DNAH1: variants seen among roughly 807,000 people sequenced by gnomAD.
DNAH1 encodes the protein axonemal beta dynein heavy chain 1.
Under a neutral mutation model 484.3 loss-of-function variants are expected in DNAH1, and 327 were observed. That is an observed-to-expected ratio of 0.68 (90% CI 0.62 to 0.74). DNAH1 has a LOEUF of 0.74. DNAH1 is among the 30% of genes least tolerant of loss of function. The pLI is 0.00. For synonymous variants in DNAH1, 2,192 were observed against 2,191.9 expected (o/e 1.00, Z 0.00); for missense variants, 5,052 against 5,546.8 (o/e 0.91, Z 2.83).
At position 52,398,908 on chromosome 3, in the gene DNAH1, A is replaced by C. The variant is rs1253204848; in HGVS notation, c.12148A>C (p.Lys4050Gln). 5.0e-6 allele frequency: 8 copies of C among 1,607,022 alleles called. No individual in the cohort carries two copies. The highest frequency in any genetic ancestry group is 6.8e-6 in the Non-Finnish European group (8 of 1,175,720). ...ACTGCAAGACCTACTCAAGGCACTC[A>C]AGGGGCTGGTAGTGATGTCCTCTCA... is the stretch of plus-strand genomic sequence containing the variant. ...QTLQDLLKAL[K>Q]GLVVMSSQLE... Residue 4050 changes from lysine (K) to glutamine (Q), a missense_variant, in exon 76 of 78, where the codon AAG (lysine) becomes CAG (glutamine). This residue lies in a region of DNAH1 where 853 missense variants were observed against 899.0 expected (regional missense o/e 0.95). Coordinates refer to ENST00000420323, the MANE Select transcript of DNAH1 (RefSeq NM_015512.5).
chr3:52,399,403 A>C, intron 76 of DNAH1, 142 bp from the exon 77 acceptor site: 2 of 932,366 alleles, frequency 2.1e-6, no homozygotes, highest in South Asian at 1.6e-5. Context: ...CACAGACCAC[A>C]GGCCATGGGC....
At chr3:52,334,961 G>A (rs1296206330) in intron 8 of DNAH1, among the ~76,000 whole-genome samples, 4 of 151,572 alleles carry the variant, frequency 2.6e-5, no homozygotes, top group South Asian at 2.1e-4. Context: ...CACCATGCCC[G>A]GCTAATTTTT....
At chr3:52,325,911 G>A (rs949737927) in intron 3 of DNAH1, among the ~76,000 whole-genome samples, 3 of 152,172 alleles carry the variant, frequency 2.0e-5, no homozygotes, top group Non-Finnish European at 4.4e-5. Flanking sequence ...GACAGGGAGA[G>A]CAGGGCTAGG....
Position 52,370,791 on chromosome 3 carries a change from A to G in DNAH1, c.6491A>G (p.Asn2164Ser), listed in dbSNP as rs1372378782. ...RLEDAGISGT[N>S]DSEDEEEEYK... ...GAGGACGCGGGCATCAGTGGCACCAACGACAGTGAGGATGAAGAGGAGGAA... is the reference window on the plus strand; with the variant it reads ...GAGGACGCGGGCATCAGTGGCACCAGCGACAGTGAGGATGAAGAGGAGGAA... The change falls in exon 41 of 78, where the codon AAC becomes AGC. Residue 2164 changes from asparagine to serine, a missense_variant. Asn to Ser is a conservative substitution (Grantham distance 46). Around this residue, in one of 4 missense-constraint regions of DNAH1, gnomAD observed 2,929 missense variants for 3,409.4 expected, o/e 0.86. Coordinates refer to ENST00000420323, the MANE Select transcript of DNAH1 (RefSeq NM_015512.5). 2 of 1,606,530 alleles carry G rather than the reference A, an allele frequency of 1.2e-6. No individual in the cohort carries two copies. Among genetic ancestry groups the G allele is most frequent in the South Asian group, 1.1e-5 (1 of 89,304 alleles).
Position 52,353,506 on chromosome 3 carries a change from T to A in DNAH1, c.3353T>A (p.Ile1118Asn). 6.2e-7 allele frequency: 1 copy of A among 1,613,948 alleles called. No individual in the cohort carries two copies. The highest frequency in any genetic ancestry group is 8.5e-7 in the Non-Finnish European group (1 of 1,179,904). Reference sequence around the variant, plus strand: ...CACTGGGAGACACTGTCCAACCAGATCAACATCAATGTCAGGCCCAAGGCC... The same window carrying A: ...CACTGGGAGACACTGTCCAACCAGAACAACATCAATGTCAGGCCCAAGGCC... Reference protein sequence around the residue: ...IRHWETLSNQININVRPKANL... With the variant: ...IRHWETLSNQNNINVRPKANL... Residue 1118 changes from isoleucine to asparagine, a missense_variant, in exon 20 of 78, where the codon ATC (isoleucine) becomes AAC (asparagine). Coordinates refer to ENST00000420323, the MANE Select transcript of DNAH1 (RefSeq NM_015512.5). This position sits in a 1 kb window ranked among gnomAD's most constrained non-coding sequence, Gnocchi z 5.0.
Position 52,353,245 on chromosome 3 carries a change from T to C in DNAH1, c.3170T>C (p.Val1057Ala). The change falls in exon 19 of 78, where the codon GTG becomes GCG. Residue 1057 changes from valine to alanine, a missense_variant. Val to Ala is a moderately conservative substitution (Grantham distance 64). Around this residue, in one of 4 missense-constraint regions of DNAH1, gnomAD observed 2,929 missense variants for 3,409.4 expected, o/e 0.86. Transcript: ENST00000420323. The surrounding 1 kb of genome is among the most constrained non-coding windows in gnomAD (Gnocchi z 5.0). ...GATGCTGAGCAGCTGGAGAAGAACG[T>C]GGTTGAAGCCTTCAAGACCATGCAC... ...AIDAEQLEKNVVEAFKTMHKC... is the reference protein window; with the variant it reads ...AIDAEQLEKNAVEAFKTMHKC... 6.2e-7 allele frequency: 1 copy of C among 1,613,976 alleles called. No individual in the cohort carries two copies. The highest frequency in any genetic ancestry group is 8.5e-7 in the Non-Finnish European group (1 of 1,179,884).
Position 52,361,510 on chromosome 3 carries a change from G to A in DNAH1, c.4875-151G>A. The A allele has an allele frequency of 8.3e-7, 1 of 1,198,162 alleles. No individual in the cohort carries two copies. The highest frequency in any genetic ancestry group is 1.5e-5 in the African/African-American group (1 of 65,852). 74.2% of individuals were successfully genotyped at this position (1,198,162 alleles called of 1,614,324 possible). A position where few individuals can be genotyped will look rare whatever the true frequency, so the allele number is the denominator to read the frequency against. On this transcript the variant is annotated intron_variant, in intron 29 of 77. Coordinates refer to ENST00000420323, the MANE Select transcript of DNAH1 (RefSeq NM_015512.5). This position sits in a 1 kb window ranked among gnomAD's most constrained non-coding sequence, Gnocchi z 5.6. Reference sequence around the variant, plus strand: ...CACGGCTTGGTCCTGGGGGCATTGGGGTGGGGAGTGGCAGTGGGTTGAAGA... The same window carrying A: ...CACGGCTTGGTCCTGGGGGCATTGGAGTGGGGAGTGGCAGTGGGTTGAAGA...
chr3:52,382,200 C>A, intron 49 of DNAH1, 120 bp from the exon 50 acceptor site: 1 of 1,519,556 alleles, frequency 6.6e-7, no homozygotes, highest in Non-Finnish European at 9.0e-7. Flanking sequence ...GAAGGGTCTG[C>A]AGGTCTGCCC....
chr3:52,364,672 C>T lies in DNAH1; in HGVS notation c.5279C>T (p.Thr1760Ile). 1 of 1,614,010 alleles carries T rather than the reference C, an allele frequency of 6.2e-7. No individual in the cohort carries two copies. ...GACTTCGGGATGAGAGCCGTGAAAA[C>T]TGTGATCTCGGCTGCTGGGAACCTC... Reference protein sequence around the residue: ...HYDFGMRAVKTVISAAGNLKR... With the variant: ...HYDFGMRAVKIVISAAGNLKR... The change falls in exon 33 of 78, where the codon ACT (threonine) becomes ATT (isoleucine). Residue 1760 changes from threonine (T) to isoleucine (I), a missense_variant. This residue lies in a region of DNAH1 where 2,929 missense variants were observed against 3,409.4 expected (regional missense o/e 0.86). Transcript: ENST00000420323. This position sits in a 1 kb window ranked among gnomAD's most constrained non-coding sequence, Gnocchi z 4.2.
At chr3:52,363,176 C>G (rs780390094) in intron 32 of DNAH1, 32 bp downstream of exon 32, 8 of 1,605,980 alleles carry the variant, frequency 5.0e-6, no homozygotes, top group Non-Finnish European at 6.8e-6. Flanking sequence ...TTTCCAGGGT[C>G]TGAAAACTTC....
chr3:52,321,410 C>T (rs1221161402), intron 1 of DNAH1, among the ~76,000 whole-genome samples: 2 of 152,212 alleles, frequency 1.3e-5, no homozygotes, highest in African/African-American at 2.4e-5. Context: ...GCCACCGCCC[C>T]GGCCTCTTTT....
At chr3:52,384,744 G>T in intron 52 of DNAH1, 42 bp from the exon 53 acceptor site, 1 of 1,521,406 alleles carries the variant, frequency 6.6e-7, no homozygotes, top group Non-Finnish European at 8.8e-7. Context: ...TGTCTTTCCT[G>T]GGGCCTCTAC....
chr3:52,352,155 G>A (rs1024261855), intron 17 of DNAH1, 52 bp downstream of exon 17: 53 of 1,544,950 alleles, frequency 3.4e-5, no homozygotes, highest in Middle Eastern at 4.5e-4. Flanking sequence ...CCACACGCAC[G>A]CACAGTTCTC....
intron 44 of DNAH1, chr3:52,374,861 A>T (rs1217025326): frequency 1.5e-5 from 16 of 1,099,362 alleles, no homozygotes; most frequent in Non-Finnish European, 2.2e-5. Context: ...TTAAAATAGA[A>T]AATCTAGCCA....
rs374571637 is a variant in DNAH1, at chr3:52,336,021, T to C, written c.1286+3627T>C. ...TTATAGATTCTGGATATTAGACCTT[T>C]GTCAGATGCATAGTTTGTGAATATT... On this transcript the variant is annotated intron_variant, in intron 8 of 77. Coordinates refer to ENST00000420323, the MANE Select transcript of DNAH1 (RefSeq NM_015512.5). Among the ~76,000 whole-genome samples the C allele has an allele frequency of 1.2e-4, 18 of 152,344 alleles. No homozygotes were observed. The East Asian group carries it at 2.1e-3, about 18-fold the overall frequency.
At position 52,364,884 on chromosome 3, in the gene DNAH1, C is replaced by G. The variant is rs1703007350; in HGVS notation, c.5383C>G (p.Gln1795Glu). ...TGATGTGAACGTGCCCAAGTTCCTG[C>G]AGGAGGACCTCAAGCTCTTCTCTGG... ...IRDVNVPKFLQEDLKLFSGIV... is the reference protein window; with the variant it reads ...IRDVNVPKFLEEDLKLFSGIV... The change falls in exon 34 of 78, where the codon CAG (glutamine) becomes GAG (glutamate). Residue 1795 changes from glutamine (Q) to glutamate (E), a missense_variant. Around this residue, in one of 4 missense-constraint regions of DNAH1, gnomAD observed 2,929 missense variants for 3,409.4 expected, o/e 0.86. Coordinates refer to ENST00000420323, the MANE Select transcript of DNAH1 (RefSeq NM_015512.5). This position sits in a 1 kb window ranked among gnomAD's most constrained non-coding sequence, Gnocchi z 4.2. 7 of 1,613,982 alleles carry G rather than the reference C, an allele frequency of 4.3e-6. No individual in the cohort carries two copies. The East Asian group carries it at 1.3e-4, about 31-fold the overall frequency.
intron 8 of DNAH1, 62 bp from the exon 9 acceptor site, chr3:52,344,428 C>A (rs1702063688): frequency 1.2e-5 from 19 of 1,574,922 alleles, no homozygotes; most frequent in Non-Finnish European, 1.5e-5. Flanking sequence ...GAGCTTGGGC[C>A]CCGGCTGGGG....
In DNAH1 at chr3:52,353,376, G is replaced by A. The variant is rs758277364; in HGVS notation, c.3227-4G>A. The A allele has an allele frequency of 2.5e-6, 4 of 1,608,958 alleles. No homozygotes were observed. Among genetic ancestry groups the A allele is most frequent in the Non-Finnish European group, 3.4e-6 (4 of 1,176,220 alleles). On this transcript the variant is annotated splice_region_variant and splice_polypyrimidine_tract_variant and intron_variant, in intron 19 of 77. Coordinates refer to ENST00000420323, the MANE Select transcript of DNAH1 (RefSeq NM_015512.5). The surrounding 1 kb of genome is among the most constrained non-coding windows in gnomAD (Gnocchi z 5.0). ...CTCTCATGCGTTTCTGTCTTACCCGGCAGCCTGCCAGGAAGTGGCCTTGGA... is the reference window on the plus strand; with the variant it reads ...CTCTCATGCGTTTCTGTCTTACCCGACAGCCTGCCAGGAAGTGGCCTTGGA...
intron 76 of DNAH1, 22 bp downstream of exon 76, chr3:52,399,223 G>A (rs1415012967): frequency 1.3e-6 from 2 of 1,582,468 alleles, no homozygotes; most frequent in Non-Finnish European, 1.7e-6. Flanking sequence ...GCCAGGGCCA[G>A]GTCAGGTGAC....
Sources: allele counts gnomAD v4.1 joint callset (sites outside exome capture counted in the v4.1 genomes callset), GRCh38; gene constraint gnomAD v4.1.1; regional missense constraint gnomAD v4.1.1; non-coding constraint Gnocchi (gnomAD v3.1); transcripts MANE v1.5; gene names NCBI Gene and HGNC (gene_info 2026-07-23, HGNC 2026-07-21).